PTPRD: variants seen among roughly 807,000 people sequenced by gnomAD.
PTPRD encodes receptor-type tyrosine-protein phosphatase delta.
A neutral mutation model predicts 214.5 loss-of-function variants in PTPRD; 34 were observed. The ratio of observed to expected loss-of-function variants is 0.16; its 90% CI spans 0.12 to 0.21. The LOEUF (loss-of-function observed/expected upper bound fraction) is 0.21, where lower values mean the gene tolerates loss of function less well. Ranked by LOEUF, PTPRD falls within the 10% of genes least tolerant of loss-of-function variation. The pLI is 1.00. For synonymous variants in PTPRD, 1,128 were observed against 845.7 expected (o/e 1.33, Z -5.79); for missense variants, 2,545 against 2,398.7 (o/e 1.06, Z -1.27).
At chr9:9,560,006 T>C (rs2082497284) in intron 8 of PTPRD, among the ~76,000 whole-genome samples, 2 of 152,232 alleles carry the variant, frequency 1.3e-5, no homozygotes, top group Non-Finnish European at 2.9e-5. Flanking sequence ...TGGCTCCGGT[T>C]GTCCGGTGCC....
intron 3 of PTPRD, among the ~76,000 whole-genome samples, chr9:10,291,475 T>C (rs1565079065): frequency 6.6e-6 from 1 of 152,066 alleles, no homozygotes; most frequent in Non-Finnish European, 1.5e-5. Context: ...ACCCTACATA[T>C]AATCACAAGT....
At position 9,912,262 on chromosome 9, in the gene PTPRD, G is replaced by A. The variant is rs980406077; in HGVS notation, c.-368+26245C>T. On this transcript the variant is annotated intron_variant, in intron 5 of 45. Transcript: ENST00000381196. ...CCCCTCTGGAAAACCTGCCACTTCA[G>A]TTGAAAAAACAAAGGACTGTCATTT... Among the ~76,000 whole-genome samples, 5 of 152,150 alleles carry A rather than the reference G, an allele frequency of 3.3e-5. No individual in the cohort carries two copies. In the East Asian group the frequency reaches 5.8e-4, roughly 18 times the overall value.
intron 4 of PTPRD, among the ~76,000 whole-genome samples, chr9:10,012,055 G>C (rs1299114372): frequency 6.6e-6 from 1 of 151,782 alleles, no homozygotes; most frequent in Non-Finnish European, 1.5e-5. Flanking sequence ...GAAACATGTA[G>C]GTATAACTAT....
rs552698103 is a variant in PTPRD, at chr9:8,632,296, T to A, written c.352+1021A>T. 3.5e-4 allele frequency among the ~76,000 whole-genome samples: 53 copies of A among 151,872 alleles called. 2 individuals are homozygous for A. Among genetic ancestry groups the A allele is most frequent in the Admixed American group, 2.7e-3 (41 of 15,190 alleles). ...AACCAAGATGTTTATCAAATCAAAC[T>A]TTTTTATTTTATAAAAGATATAAAG... is the stretch of plus-strand genomic sequence containing the variant. On this transcript the variant is annotated intron_variant, in intron 14 of 45. Coordinates refer to ENST00000381196, the MANE Select transcript of PTPRD (RefSeq NM_002839.4).
At chr9:8,583,313 G>C (rs531477903) in intron 14 of PTPRD, among the ~76,000 whole-genome samples, 180 of 152,208 alleles carry the variant, frequency 1.2e-3, no homozygotes, top group African/African-American at 4.2e-3. Context: ...CCCAGGGTTG[G>C]GGACCCCTGA....
rs2083286406 is a variant in PTPRD, at chr9:8,376,498, C to G, written c.4506+109G>C. ...AGATCTATTTCATTCTTCACTGTTGCCATTGAGATCAAGATTTAAGTAAAG... is the reference window on the plus strand; with the variant it reads ...AGATCTATTTCATTCTTCACTGTTGGCATTGAGATCAAGATTTAAGTAAAG... On this transcript the variant is annotated intron_variant, in intron 38 of 45. Transcript: ENST00000381196. 6.1e-6 allele frequency: 9 copies of G among 1,471,272 alleles called. No homozygotes were observed. The South Asian group carries it at 1.1e-4, about 18-fold the overall frequency. 91.1% of individuals were successfully genotyped at this position (1,471,272 alleles called of 1,614,324 possible).
chr9:8,558,739 A>G (rs2084967970), intron 14 of PTPRD, among the ~76,000 whole-genome samples: 1 of 152,194 alleles, frequency 6.6e-6, no homozygotes, highest in Non-Finnish European at 1.5e-5. Context: ...GTGAGTGTTC[A>G]TATTAATGTT....
In PTPRD at chr9:10,340,987, C is replaced by A; in HGVS notation, c.-569G>T. The A allele has an allele frequency of 6.6e-6, 1 of 151,986 alleles. No individual in the cohort carries two copies. The highest frequency in any genetic ancestry group is 1.5e-5 in the Non-Finnish European group (1 of 67,882). The allele number at this position is 151,986 out of a possible 1,614,324, so 9.4% of individuals were successfully genotyped here. A position where few individuals can be genotyped will look rare whatever the true frequency, so the allele number is the denominator to read the frequency against. Reference sequence around the variant, plus strand: ...CTAGTTGTGTGACTTTGAGACAGGTCCTTTACTTCCTTGATTCTTCACTTC... The same window carrying A: ...CTAGTTGTGTGACTTTGAGACAGGTACTTTACTTCCTTGATTCTTCACTTC... On this transcript the variant is annotated 5_prime_UTR_variant, in exon 3 of 46. Transcript: ENST00000381196.
chr9:8,792,831 C>T (rs1467843277), intron 11 of PTPRD, among the ~76,000 whole-genome samples: 1 of 152,048 alleles, frequency 6.6e-6, no homozygotes, highest in African/African-American at 2.4e-5. Flanking sequence ...CTCCATTCTT[C>T]TCTCCCTCTT....
At chr9:8,711,309 A>G (rs917658067) in intron 12 of PTPRD, among the ~76,000 whole-genome samples, 3 of 152,084 alleles carry the variant, frequency 2.0e-5, no homozygotes, top group Non-Finnish European at 4.4e-5. Flanking sequence ...TTAATCAAAT[A>G]TATAATTATT....
intron 2 of PTPRD, among the ~76,000 whole-genome samples, chr9:10,459,152 G>A (rs916093336): frequency 3.3e-5 from 5 of 152,036 alleles, no homozygotes; most frequent in South Asian, 2.1e-4. Context: ...TCTGGTGTTC[G>A]GTTCTCTGTC....
chr9:8,815,928 C>A (rs2096910314), intron 11 of PTPRD, among the ~76,000 whole-genome samples: 1 of 152,144 alleles, frequency 6.6e-6, no homozygotes, highest in African/African-American at 2.4e-5. Flanking sequence ...CTGAAAAACA[C>A]CCTATGGTGG....
intron 7 of PTPRD, among the ~76,000 whole-genome samples, chr9:9,709,361 G>A (rs1408865157): frequency 6.6e-6 from 1 of 151,882 alleles, no homozygotes; most frequent in African/African-American, 2.4e-5. Context: ...TCTTAAAACT[G>A]AAATGGCAAG....
chr9:8,855,536 T>C (rs1320476517), intron 11 of PTPRD, among the ~76,000 whole-genome samples: 1 of 152,182 alleles, frequency 6.6e-6, no homozygotes, highest in Non-Finnish European at 1.5e-5. Flanking sequence ...CTCAACTATA[T>C]TAAAATATAT....
intron 3 of PTPRD, among the ~76,000 whole-genome samples, chr9:10,048,329 C>T (rs1265710617): frequency 1.3e-5 from 2 of 152,136 alleles, no homozygotes; most frequent in Non-Finnish European, 1.5e-5. Context: ...CACTAGCCCC[C>T]AGTACTTCAG....
chr9:9,006,469 T>A (rs1207398263), intron 11 of PTPRD, among the ~76,000 whole-genome samples: 1 of 152,074 alleles, frequency 6.6e-6, no homozygotes, highest in Non-Finnish European at 1.5e-5. Context: ...ACTAACGTTA[T>A]TCTGAATAGT....
intron 14 of PTPRD, among the ~76,000 whole-genome samples, chr9:8,536,252 T>G (rs1166211428): frequency 6.6e-6 from 1 of 152,022 alleles, no homozygotes; most frequent in Admixed American, 6.6e-5. Flanking sequence ...TTAATCACAG[T>G]CAACTCATGA....
chr9:8,948,489 ATATTTATATATATATT>A, intron 11 of PTPRD, among the ~76,000 whole-genome samples: 1 of 55,126 alleles, frequency 1.8e-5, no homozygotes, highest in African/African-American at 7.2e-5. Flanking sequence ...ATTTATATAT[ATATTTATATATATATT>A]TATATATATA....
At chr9:9,783,899 G>C (rs559939252) in intron 5 of PTPRD, among the ~76,000 whole-genome samples, 55 of 148,404 alleles carry the variant, frequency 3.7e-4, no homozygotes, top group African/African-American at 1.3e-3. Context: ...CAGTGCATAC[G>C]CAAGTGATAC....
Sources: allele counts gnomAD v4.1 joint callset (sites outside exome capture counted in the v4.1 genomes callset), GRCh38; gene constraint gnomAD v4.1.1; transcripts MANE v1.5; gene names NCBI Gene and HGNC (gene_info 2026-07-23, HGNC 2026-07-21).